Variants in SMOC1 observed in about 807,000 individuals in gnomAD.
The protein encoded by SMOC1 is SPARC-related modular calcium-binding protein 1.
Under a neutral mutation model 56.3 loss-of-function variants are expected in SMOC1, and 22 were observed. The observed-to-expected ratio is 0.39, with a 90% CI of 0.28 to 0.56. The LOEUF (loss-of-function observed/expected upper bound fraction) is 0.56. Among genes scored for constraint, SMOC1 ranks in the 20% least tolerant of loss-of-function variants. The pLI is 0.61. For missense variants in SMOC1, 509 were observed against 565.4 expected (o/e 0.90, Z 1.01); for synonymous variants, 193 against 215.0 (o/e 0.90, Z 0.89).
chr14:69,933,544 T>C (rs1191250198), intron 1 of SMOC1, among the ~76,000 whole-genome samples: 1 of 152,240 alleles, frequency 6.6e-6, no homozygotes, highest in Non-Finnish European at 1.5e-5. Context: ...GTTTTTGTTT[T>C]TTTTAGACAG....
intron 5 of SMOC1, among the ~76,000 whole-genome samples, chr14:69,978,966 TG>T (rs1193571951): frequency 1.3e-5 from 2 of 151,826 alleles, no homozygotes; most frequent in African/African-American, 4.8e-5. Context: ...TGTGCAGAGC[TG>T]GTAGTTGAAT....
intron 10 of SMOC1, among the ~76,000 whole-genome samples, chr14:70,016,536 T>C (rs938237277): frequency 1.3e-5 from 2 of 152,182 alleles, no homozygotes; most frequent in Admixed American, 1.3e-4. Flanking sequence ...GAGAAACTGC[T>C]ATCCAGGAAG....
chr14:69,902,850 C>T (rs1263849007), intron 1 of SMOC1, among the ~76,000 whole-genome samples: 1 of 152,208 alleles, frequency 6.6e-6, no homozygotes, highest in Non-Finnish European at 1.5e-5. Context: ...CAGCTCCTAA[C>T]TGCGAGTGAT....
At chr14:69,975,650 G>T in intron 3 of SMOC1, 65 bp from the exon 4 acceptor site, 1 of 1,139,402 alleles carries the variant, frequency 8.8e-7, no homozygotes, top group Non-Finnish European at 1.3e-6. Flanking sequence ...GAAAGGGGTT[G>T]GAGATGAGTC....
At chr14:69,900,125 A>G (rs1326845357) in intron 1 of SMOC1, among the ~76,000 whole-genome samples, 2 of 152,228 alleles carry the variant, frequency 1.3e-5, no homozygotes, top group Admixed American at 1.3e-4. Flanking sequence ...GTTCCTGCTC[A>G]TGTGGCTGTG....
At chr14:70,026,651 C>T (rs1288433506) in intron 11 of SMOC1, among the ~76,000 whole-genome samples, 2 of 152,108 alleles carry the variant, frequency 1.3e-5, no homozygotes, top group Non-Finnish European at 2.9e-5. Flanking sequence ...TCTTCTTGGC[C>T]CAATACACCC....
intron 3 of SMOC1, among the ~76,000 whole-genome samples, chr14:69,955,027 A>G (rs1883136023): frequency 6.6e-6 from 1 of 152,152 alleles, no homozygotes; most frequent in South Asian, 2.1e-4. Flanking sequence ...ACTGGGTTAA[A>G]CTGACGTTTG....
rs1885649919 is a variant in SMOC1 at position 70,019,936 on chromosome 14, GT to G, written c.1047-3265del. ...TCAACTTCATCTGTGACTTAAGGCT[GT>G]TGCCAGGCCAGAAACTTGATTTACA... is the stretch of plus-strand genomic sequence containing the variant. On this transcript the variant is annotated intron_variant, in intron 10 of 11. Coordinates refer to ENST00000361956, the MANE Select transcript of SMOC1 (RefSeq NM_001034852.3). Among the ~76,000 whole-genome samples, 4 of 152,306 alleles carry G rather than the reference GT, an allele frequency of 2.6e-5. No homozygotes were observed. In the South Asian group the frequency reaches 8.3e-4, roughly 32 times the overall value.
intron 5 of SMOC1, among the ~76,000 whole-genome samples, chr14:69,984,533 C>T (rs1011394154): frequency 3.3e-5 from 5 of 152,058 alleles, no homozygotes; most frequent in Non-Finnish European, 5.9e-5. Context: ...AGCTTAGCAG[C>T]TAAAAAACAG....
intron 1 of SMOC1, among the ~76,000 whole-genome samples, chr14:69,934,288 A>G (rs922383124): frequency 6.6e-5 from 10 of 152,148 alleles, no homozygotes; most frequent in African/African-American, 2.4e-4. Flanking sequence ...CTGATTGACG[A>G]CTGGGGTATT....
intron 3 of SMOC1, among the ~76,000 whole-genome samples, chr14:69,964,778 A>G (rs75152018): frequency 0.019 from 2,826 of 152,292 alleles, 30 homozygotes; most frequent in Non-Finnish European, 0.029. Flanking sequence ...AGTCCTCACT[A>G]TAAGCACTGT....
rs527265421 is a variant in SMOC1 at position 69,879,862 on chromosome 14, A to G, written c.99+85A>G. The G allele has an allele frequency of 4.4e-4, 540 of 1,229,366 alleles. 3 individuals carry two copies. In the African/African-American group the frequency reaches 7.5e-3, roughly 17 times the overall value. 76.2% of individuals were successfully genotyped at this position (1,229,366 alleles called of 1,614,324 possible). ...CATCCCTGAGGGAAGGAGGAGGGGG[A>G]AGAGAGATGTCAGAGACCTGTTGTC... On this transcript the variant is annotated intron_variant, in intron 1 of 11. Transcript: ENST00000361956.
chr14:70,026,223 G>C (rs896872425), intron 11 of SMOC1, among the ~76,000 whole-genome samples: 3 of 152,230 alleles, frequency 2.0e-5, no homozygotes, highest in African/African-American at 7.2e-5. Flanking sequence ...GTCGGGAAGA[G>C]ACCATCCAGT....
intron 7 of SMOC1, among the ~76,000 whole-genome samples, chr14:70,008,243 C>T (rs1293383415): frequency 6.6e-6 from 1 of 152,114 alleles, no homozygotes. Context: ...GGCCCTCTCA[C>T]CTCAGCCTCC....
At chr14:69,903,375 G>A (rs1169209182) in intron 1 of SMOC1, among the ~76,000 whole-genome samples, 2 of 148,894 alleles carry the variant, frequency 1.3e-5, no homozygotes, top group African/African-American at 5.0e-5. Flanking sequence ...GGAGCCCCTC[G>A]GCCCGGCCGC....
intron 1 of SMOC1, among the ~76,000 whole-genome samples, chr14:69,915,554 G>A (rs562600267): frequency 4.4e-4 from 67 of 152,106 alleles, no homozygotes; most frequent in Non-Finnish European, 8.5e-4. Flanking sequence ...GCTGTCCTTG[G>A]CAGCAAAACT....
At chr14:70,013,576 G>C in intron 10 of SMOC1, 85 bp downstream of exon 10, 1 of 1,191,008 alleles carries the variant, frequency 8.4e-7, no homozygotes. Context: ...GAGAGAGTGG[G>C]CAGGGTTTGA....
chr14:69,946,838 G>T (rs1233398713), intron 1 of SMOC1, among the ~76,000 whole-genome samples: 1 of 152,196 alleles, frequency 6.6e-6, no homozygotes, highest in African/African-American at 2.4e-5. Context: ...ATCCCTCATG[G>T]CTTGGTGCTG....
intron 10 of SMOC1, among the ~76,000 whole-genome samples, chr14:70,014,166 G>C (rs1438560545): frequency 3.3e-5 from 5 of 152,166 alleles, no homozygotes; most frequent in Non-Finnish European, 1.5e-5. Context: ...AGCAAACACT[G>C]GGCTAAGGAT....
Sources: allele counts gnomAD v4.1 joint callset (sites outside exome capture counted in the v4.1 genomes callset), GRCh38; gene constraint gnomAD v4.1.1; transcripts MANE v1.5; gene names NCBI Gene and HGNC (gene_info 2026-07-23, HGNC 2026-07-21).